The following MAP3K8 variants were observed in gnomAD, a reference collection of about 807,000 sequenced individuals.
The protein encoded by MAP3K8 is mitogen-activated protein kinase kinase kinase 8, also known as Ewing sarcoma transformant.
In MAP3K8, 22 loss-of-function variants were observed where a neutral mutation model predicts 45.8. The observed-to-expected ratio is 0.48, with a 90% CI of 0.34 to 0.69. The LOEUF (loss-of-function observed/expected upper bound fraction) is 0.69. MAP3K8 is among the 30% of genes least tolerant of loss of function. MAP3K8 has a pLI of 0.01. For synonymous variants in MAP3K8, 223 were observed against 214.3 expected, an observed-to-expected ratio of 1.04 and a Z score of -0.36; for missense variants, 419 against 585.0, an observed-to-expected ratio of 0.72 and a Z score of 2.93.
chr10:30,449,022 T>C (rs1054575954), intron 4 of MAP3K8, among the ~76,000 whole-genome samples: 1 of 152,234 alleles, frequency 6.6e-6, no homozygotes, highest in Admixed American at 6.5e-5. Flanking sequence ...GATTTACAAC[T>C]ATAATAATGT....
chr10:30,459,326 A>G lies in MAP3K8; in HGVS notation c.1098A>G (p.Glu366=), dbSNP rs901184989. 1.2e-6 allele frequency: 2 copies of G among 1,614,188 alleles called. No individual in the cohort carries two copies. The highest frequency in any genetic ancestry group is 1.7e-5 in the Admixed American group (1 of 60,026). The change falls in exon 8 of 9, where the codon GAA becomes GAG. Residue 366 remains glutamate (E), a synonymous_variant. Coordinates refer to ENST00000263056, the MANE Select transcript of MAP3K8 (RefSeq NM_005204.4). ...DCSPGMRELI[E]ASLERNPNHR... is the part of the protein sequence containing the mutation. ...GTCCAGGGATGAGAGAGCTGATAGA[A>G]GCTTCCCTGGAGAGAAACCCCAATC...
intron 2 of MAP3K8, among the ~76,000 whole-genome samples, 171 bp downstream of exon 2, chr10:30,437,577 C>G (rs1330023010): frequency 6.6e-6 from 1 of 152,212 alleles, no homozygotes; most frequent in East Asian, 1.9e-4. Context: ...GGATGCTAAA[C>G]TGCTTTCCTC....
At chr10:30,453,073 AC>A (rs1259550427) in intron 6 of MAP3K8, among the ~76,000 whole-genome samples, 2 of 152,170 alleles carry the variant, frequency 1.3e-5, no homozygotes, top group African/African-American at 4.8e-5. Context: ...CCTTACAACA[AC>A]CCAGTTGTTG....
intron 8 of MAP3K8, among the ~76,000 whole-genome samples, chr10:30,459,994 C>A (rs755901832): frequency 6.6e-6 from 1 of 152,080 alleles, no homozygotes. Context: ...AGGTGCCCAC[C>A]ACCACGTCTG....
At chr10:30,444,163 C>A (rs912717746) in intron 3 of MAP3K8, among the ~76,000 whole-genome samples, 1 of 151,254 alleles carries the variant, frequency 6.6e-6, no homozygotes, top group African/African-American at 2.4e-5. Context: ...GCACTCCAGC[C>A]TAGGTGACAG....
intron 6 of MAP3K8, among the ~76,000 whole-genome samples, chr10:30,457,705 G>A (rs536180095): frequency 6.6e-5 from 10 of 152,260 alleles, no homozygotes; most frequent in Admixed American, 3.3e-4. Context: ...GAGTGCAGTG[G>A]TGCGATCTCG....
intron 8 of MAP3K8, 145 bp downstream of exon 8, chr10:30,459,646 A>C: frequency 2.1e-6 from 2 of 930,820 alleles, no homozygotes; most frequent in Non-Finnish European, 3.2e-6. Flanking sequence ...TTTCAGCAAG[A>C]TTAGCAGAAG....
chr10:30,451,940 A>AT (rs2132816925), intron 6 of MAP3K8, among the ~76,000 whole-genome samples, 196 bp downstream of exon 6: 1 of 152,140 alleles, frequency 6.6e-6, no homozygotes, highest in South Asian at 2.1e-4. Context: ...TTTTTATTGT[A>AT]TTTTTTGCTA....
At chr10:30,460,678 A>G in intron 8 of MAP3K8, 28 bp from the exon 9 acceptor site, 1 of 1,582,536 alleles carries the variant, frequency 6.3e-7, no homozygotes, top group Non-Finnish European at 8.6e-7. Context: ...TTTTCTTGTT[A>G]CTTACTTTGT....
chr10:30,459,125 G>A (rs937555474), intron 7 of MAP3K8, 130 bp from the exon 8 acceptor site: 4 of 936,122 alleles, frequency 4.3e-6, no homozygotes, highest in African/African-American at 1.6e-5. Flanking sequence ...TTGCTTAAGG[G>A]CTGAACTGCA....
At chr10:30,435,613 C>A (rs1013774996) in intron 1 of MAP3K8, among the ~76,000 whole-genome samples, 12 of 152,178 alleles carry the variant, frequency 7.9e-5, no homozygotes, top group African/African-American at 2.9e-4. Flanking sequence ...AGCGCAATGG[C>A]GCGATCTCGG....
intron 3 of MAP3K8, among the ~76,000 whole-genome samples, chr10:30,442,246 C>T (rs910592179): frequency 1.3e-5 from 2 of 152,210 alleles, no homozygotes; most frequent in East Asian, 1.9e-4. Context: ...TGGCAGTGCA[C>T]AGGCAGGATA....
chr10:30,439,536 G>A (rs973719497), intron 3 of MAP3K8: 3 of 721,822 alleles, frequency 4.2e-6, no homozygotes, highest in East Asian at 2.8e-5. Context: ...TTGGCCGGGT[G>A]CAGGGGCTCA....
chr10:30,456,806 T>C (rs1471338414), intron 6 of MAP3K8, among the ~76,000 whole-genome samples: 1 of 152,132 alleles, frequency 6.6e-6, no homozygotes, highest in African/African-American at 2.4e-5. Context: ...TCCAAAGTGC[T>C]GAGATTCAGT....
intron 3 of MAP3K8, among the ~76,000 whole-genome samples, chr10:30,441,619 A>C (rs1014950924): frequency 6.6e-6 from 1 of 152,222 alleles, no homozygotes; most frequent in Admixed American, 6.5e-5. Context: ...ATTGGATCTT[A>C]GATATGGCCT....
intron 6 of MAP3K8, among the ~76,000 whole-genome samples, chr10:30,454,460 C>A (rs990871049): frequency 6.6e-6 from 1 of 151,876 alleles, no homozygotes; most frequent in East Asian, 1.9e-4. Context: ...CCCAGCTACT[C>A]AAGAGACTGA....
Position 30,453,249 on chromosome 10 carries a change from C to T in MAP3K8, c.873+1505C>T, listed in dbSNP as rs566145230. Among the ~76,000 whole-genome samples the T allele has an allele frequency of 9.2e-5, 14 of 152,122 alleles. No individual in the cohort carries two copies. In the South Asian group the frequency reaches 2.9e-3, roughly 32 times the overall value. On this transcript the variant is annotated intron_variant, in intron 6 of 8. Coordinates refer to ENST00000263056, the MANE Select transcript of MAP3K8 (RefSeq NM_005204.4). ...CTTTAAAAAATTATAATATTACATA[C>T]ATTATTAAAATATATTAGTGATATA...
Position 30,460,997 on chromosome 10 carries a change from T to G in MAP3K8, c.*161T>G. 1.3e-6 allele frequency: 1 copy of G among 758,034 alleles called. No homozygotes were observed. The highest frequency in any genetic ancestry group is 2.2e-5 in the South Asian group (1 of 45,416). The allele number at this position is 758,034 out of a possible 1,614,324, so 47.0% of individuals were successfully genotyped here. On this transcript the variant is annotated 3_prime_UTR_variant, in exon 9 of 9. Coordinates refer to ENST00000263056, the MANE Select transcript of MAP3K8 (RefSeq NM_005204.4). The stretch of plus-strand genomic sequence containing the variant: ...GTGCCTCCAAGCGGCCCTGTGTGTT[T>G]GACATGTGAAGCTATTTGATATGCA...
rs867702488 is a variant in MAP3K8, at chr10:30,458,295, C to T, written c.1026+59C>T. On this transcript the variant is annotated intron_variant, in intron 7 of 8. Coordinates refer to ENST00000263056, the MANE Select transcript of MAP3K8 (RefSeq NM_005204.4). Reference sequence around the variant, plus strand: ...GGGGGGGGCGTTGAGTTATGCATCCCGCAGGCTTGGGAGGGACTGCTCTGC... The same window carrying T: ...GGGGGGGGCGTTGAGTTATGCATCCTGCAGGCTTGGGAGGGACTGCTCTGC... 9 of 1,269,754 alleles carry T rather than the reference C, an allele frequency of 7.1e-6. No individual in the cohort carries two copies. The African/African-American group carries it at 9.2e-5, about 13-fold the overall frequency. 78.7% of individuals were successfully genotyped at this position (1,269,754 alleles called of 1,614,324 possible).
Sources: allele counts gnomAD v4.1 joint callset (sites outside exome capture counted in the v4.1 genomes callset), GRCh38; gene constraint gnomAD v4.1.1; transcripts MANE v1.5; gene names NCBI Gene and HGNC (gene_info 2026-07-23, HGNC 2026-07-21).